The following EMG1 variants were observed in gnomAD, a reference collection of about 807,000 sequenced individuals.
EMG1 encodes the protein ribosomal RNA small subunit methyltransferase NEP1.
EMG1 carries 24 observed loss-of-function variants against 26.9 expected under a neutral mutation model. The ratio of observed to expected loss-of-function variants is 0.89; its 90% CI spans 0.65 to 1.26. The LOEUF is 1.26. Among genes scored for constraint, EMG1 ranks in the 50% most tolerant of loss-of-function variants. EMG1 has a pLI of 0.00. For missense variants in EMG1, 299 were observed against 307.6 expected, an observed-to-expected ratio of 0.97 and a Z score of 0.21; for synonymous variants, 140 against 112.6, an observed-to-expected ratio of 1.24 and a Z score of -1.54.
chr12:6,974,599 A>G lies in EMG1; in HGVS notation c.318A>G (p.Leu106=), dbSNP rs1946371298. 3.7e-6 allele frequency: 6 copies of G among 1,613,890 alleles called. No homozygotes were observed. Among genetic ancestry groups the G allele is most frequent in the African/African-American group, 1.3e-5 (1 of 74,930 alleles). Reference sequence around the variant, plus strand: ...GTCCCCTGAACCGAGCTGGCTTGCTACAGGTTTATATCCATACACAGAAGA... The same window carrying G: ...GTCCCCTGAACCGAGCTGGCTTGCTGCAGGTTTATATCCATACACAGAAGA... ...MDSPLNRAGL[L]QVYIHTQKNV... The change falls in exon 3 of 6, where the codon CTA becomes CTG. Residue 106 remains leucine (L), a synonymous_variant. Transcript: ENST00000599672.
At chr12:6,985,299 G>C (rs1946511673) in intron 6 of EMG1, among the ~76,000 whole-genome samples, 1 of 152,044 alleles carries the variant, frequency 6.6e-6, no homozygotes, top group African/African-American at 2.4e-5. Flanking sequence ...GGGAGGCTGA[G>C]GCAGGAGAAT....
chr12:6,988,733 G>A (rs146134269), downstream of EMG1, among the ~76,000 whole-genome samples: 130 of 152,260 alleles, frequency 8.5e-4, no homozygotes, highest in African/African-American at 3.1e-3. Flanking sequence ...AATGCAGGCC[G>A]CAGTGCTCAG....
At chr12:6,983,667 G>A, downstream of EMG1, 1 of 635,940 alleles carries the variant, frequency 1.6e-6, no homozygotes, top group South Asian at 1.8e-5. Flanking sequence ...TACATTATAT[G>A]GATGGCAACA....
downstream of EMG1, chr12:6,980,021 C>CTTTTTTTTTTTTTTTTTTTTTTTT (rs34110645): frequency 8.1e-6 from 1 of 122,838 alleles, no homozygotes; most frequent in Non-Finnish European, 1.8e-5. Flanking sequence ...GGCAATTAAA[C>CTTTTTTTTTTTTTTTTTTTTTTTT]TTTTTTTTTT....
In EMG1 at chr12:6,997,379, A is replaced by ATATGTGTG. The variant is rs1328538654; in HGVS notation, c.*367_*368insATGTGTGT. ...CATGCCCCCAAAACAACAGCAAATT[A>ATATGTGTG]TGTGTGTGTGTGTGTGTGTGTGTGT... On this transcript the variant is annotated 3_prime_UTR_variant and NMD_transcript_variant, in exon 8 of 8. Transcript: ENST00000607161. 8.8e-5 allele frequency: 10 copies of ATATGTGTG among 114,138 alleles called. No individual in the cohort carries two copies. In the East Asian group the frequency reaches 2.4e-3, roughly 28 times the overall value. 7.1% of individuals were successfully genotyped at this position (114,138 alleles called of 1,614,324 possible).
At chr12:6,981,041 C>A, downstream of EMG1, 3 of 1,610,082 alleles carry the variant, frequency 1.9e-6, no homozygotes, top group Non-Finnish European at 2.5e-6. Context: ...ATCAGCTCTC[C>A]CTGCACCAGC....
In EMG1 at chr12:6,978,806, C is replaced by T; in HGVS notation, c.*2997C>T. ...TTCATACCTGCCTGAGTCCTGCTGC[C>T]AGATGCCCTCAATAGTCTGGCCTGA... On this transcript the variant is annotated 3_prime_UTR_variant, in exon 6 of 6. Coordinates refer to ENST00000599672, the MANE Select transcript of EMG1 (RefSeq NM_006331.8). 1 of 1,449,142 alleles carries T rather than the reference C, an allele frequency of 6.9e-7. No individual in the cohort carries two copies. Among genetic ancestry groups the T allele is most frequent in the Non-Finnish European group, 9.3e-7 (1 of 1,076,092 alleles). The allele number at this position is 1,449,142 out of a possible 1,614,324, so 89.8% of individuals were successfully genotyped here.
Position 6,978,296 on chromosome 12 carries a change from G to A in EMG1, c.*2487G>A. On this transcript the variant is annotated 3_prime_UTR_variant, in exon 6 of 6. Transcript: ENST00000599672. ...CCCTGCCCTCCAATCTGGGAAGACA[G>A]TGGAAGGAAGGAACCAGGGTCCAGG... 2 of 1,570,570 alleles carry A rather than the reference G, an allele frequency of 1.3e-6. No homozygotes were observed. Among genetic ancestry groups the A allele is most frequent in the South Asian group, 2.4e-5 (2 of 84,154 alleles).
At chr12:6,985,505 G>A (rs1168420471) in intron 6 of EMG1, among the ~76,000 whole-genome samples, 1 of 151,718 alleles carries the variant, frequency 6.6e-6, no homozygotes, top group African/African-American at 2.4e-5. Context: ...CTTGAGATCC[G>A]GAGTTTGAGA....
intron 1 of EMG1, 118 bp downstream of exon 1, chr12:6,971,209 G>T: frequency 1.2e-6 from 1 of 835,418 alleles, no homozygotes; most frequent in Non-Finnish European, 1.9e-6. Context: ...TGCTTTTGAA[G>T]GAAGGTGGCT....
At chr12:6,990,034 G>C (rs1402340205), downstream of EMG1, among the ~76,000 whole-genome samples, 8 of 151,720 alleles carry the variant, frequency 5.3e-5, no homozygotes, top group African/African-American at 1.5e-4. Flanking sequence ...ATAGTTGGGT[G>C]GGGTGGGTGG....
At chr12:6,997,228 T>A (rs1946643920) in exon 8 of EMG1, 1 of 152,234 alleles carries the variant, frequency 6.6e-6, no homozygotes, top group Non-Finnish European at 1.5e-5. Context: ...GAGACAGTAC[T>A]TCACTCTGTT....
chr12:6,980,976 A>G (rs2138332113), downstream of EMG1: 2 of 1,547,106 alleles, frequency 1.3e-6, no homozygotes, highest in Non-Finnish European at 1.7e-6. Context: ...ATACCTACAC[A>G]AACATCTGGA....
chr12:6,982,921 A>G, downstream of EMG1: 1 of 668,658 alleles, frequency 1.5e-6, no homozygotes, highest in Non-Finnish European at 2.7e-6. Flanking sequence ...TTTGGAGGAG[A>G]GGATGGAAAT....
intron 1 of EMG1, 72 bp downstream of exon 1, chr12:6,971,163 C>T: frequency 7.7e-7 from 1 of 1,297,044 alleles, no homozygotes; most frequent in Non-Finnish European, 1.1e-6. Context: ...GGTAAGGGGC[C>T]CAGAGTGGAT....
downstream of EMG1, among the ~76,000 whole-genome samples, chr12:6,989,403 G>A (rs964956184): frequency 4.7e-5 from 7 of 149,588 alleles, no homozygotes; most frequent in East Asian, 2.0e-4. Context: ...TCCGCCTCCC[G>A]GGTTCACGCC....
chr12:6,977,582 C>T lies in EMG1; in HGVS notation c.*1773C>T. The T allele has an allele frequency of 1.2e-6, 2 of 1,614,210 alleles. No homozygotes were observed. Among genetic ancestry groups the T allele is most frequent in the Non-Finnish European group, 1.7e-6 (2 of 1,180,042 alleles). On this transcript the variant is annotated 3_prime_UTR_variant, in exon 6 of 6. Coordinates refer to ENST00000599672, the MANE Select transcript of EMG1 (RefSeq NM_006331.8). The surrounding 1 kb of genome is among the most constrained non-coding windows in gnomAD (Gnocchi z 4.5). ...TGTCCCTTATATTCCCCTTCACCCC[C>T]ACCCTGGAGGCCTACCTGTCTTTCC...
chr12:6,989,677 G>C (rs142196023), downstream of EMG1, among the ~76,000 whole-genome samples: 100 of 152,184 alleles, frequency 6.6e-4, 2 homozygotes, highest in East Asian at 0.015. Context: ...TCAAGCACAG[G>C]GAGTGGATAG....
At position 6,977,579 on chromosome 12, in the gene EMG1, C is replaced by A. The variant is rs782468847; in HGVS notation, c.*1770C>A. 1.1e-5 allele frequency: 17 copies of A among 1,614,024 alleles called. No individual in the cohort carries two copies. In the South Asian group the frequency reaches 1.9e-4, roughly 18 times the overall value. On this transcript the variant is annotated 3_prime_UTR_variant, in exon 6 of 6. Transcript: ENST00000599672. The surrounding 1 kb of genome is among the most constrained non-coding windows in gnomAD (Gnocchi z 4.5). ...TCTTGTCCCTTATATTCCCCTTCACCCCCACCCTGGAGGCCTACCTGTCTT... is the reference window on the plus strand; with the variant it reads ...TCTTGTCCCTTATATTCCCCTTCACACCCACCCTGGAGGCCTACCTGTCTT...
Sources: allele counts gnomAD v4.1 joint callset (sites outside exome capture counted in the v4.1 genomes callset), GRCh38; gene constraint gnomAD v4.1.1; non-coding constraint Gnocchi (gnomAD v3.1); transcripts MANE v1.5; gene names NCBI Gene and HGNC (gene_info 2026-07-23, HGNC 2026-07-21).